The following PKHD1L1 variants were observed in gnomAD, a reference collection of about 807,000 sequenced individuals.
PKHD1L1 encodes fibrocystin-L.
Under a neutral mutation model 462.9 loss-of-function variants are expected in PKHD1L1, and 434 were observed. The ratio of observed to expected loss-of-function variants is 0.94; its 90% confidence interval spans 0.87 to 1.02. The LOEUF (loss-of-function observed/expected upper bound fraction) is 1.02, where lower values mean the gene tolerates loss of function less well. Ranked by LOEUF, PKHD1L1 falls within the 50% of genes least tolerant of loss-of-function variation. PKHD1L1 has a pLI of 0.00. For synonymous variants in PKHD1L1, 1,781 were observed against 1,750.0 expected, an observed-to-expected ratio of 1.02 and a Z score of -0.44; for missense variants, 5,202 against 5,096.1, an observed-to-expected ratio of 1.02 and a Z score of -0.63.
Position 109,523,360 on chromosome 8 carries a change from A to C in PKHD1L1, c.12458A>C (p.Tyr4153Ser). 1 of 1,613,338 alleles carries C rather than the reference A, an allele frequency of 6.2e-7. No homozygotes were observed. The highest frequency in any genetic ancestry group is 2.2e-5 in the East Asian group (1 of 44,860). Reference protein sequence around the residue: ...TIPFSSCWANYTDLTPLRTGK... With the variant: ...TIPFSSCWANSTDLTPLRTGK... ...CCGTTTAGCAGCTGTTGGGCCAACT[A>C]CACAGACCTTACTCCCCTTAGAACA... The change falls in exon 76 of 78, where the codon TAC becomes TCC. Residue 4153 changes from tyrosine to serine, a missense_variant. Physicochemically the swap from Tyr to Ser is moderately radical, Grantham distance 144 (BLOSUM62 -2). Coordinates refer to ENST00000378402, the MANE Select transcript of PKHD1L1 (RefSeq NM_177531.6).
chr8:109,408,180 C>T lies in PKHD1L1; in HGVS notation c.1945C>T (p.Leu649Phe). Reference sequence around the variant, plus strand: ...TTGGGATGGGATCGCTTCTAAGCCACTCACTCTATGGTCATCAGAAGCTGA... The same window carrying T: ...TTGGGATGGGATCGCTTCTAAGCCATTCACTCTATGGTCATCAGAAGCTGA... ...LNWDGIASKP[L>F]TLWSSEAEFQ... The change falls in exon 18 of 78, where the codon CTC becomes TTC. Residue 649 changes from leucine to phenylalanine, a missense_variant. Physicochemically the swap from Leu to Phe is conservative, Grantham distance 22. Coordinates refer to ENST00000378402, the MANE Select transcript of PKHD1L1 (RefSeq NM_177531.6). The T allele has an allele frequency of 1.2e-6, 2 of 1,612,682 alleles. No homozygotes were observed. Among genetic ancestry groups the T allele is most frequent in the Non-Finnish European group, 1.7e-6 (2 of 1,179,110 alleles).
intron 58 of PKHD1L1, 142 bp from the exon 59 acceptor site, chr8:109,486,506 A>T: frequency 1.7e-6 from 1 of 604,684 alleles, no homozygotes; most frequent in Non-Finnish European, 2.8e-6. Flanking sequence ...CCATCTATAT[A>T]TGTTTAACAT....
chr8:109,482,837 A>T, intron 56 of PKHD1L1, 150 bp from the exon 57 acceptor site: 1 of 482,548 alleles, frequency 2.1e-6, no homozygotes, highest in Non-Finnish European at 3.5e-6. Flanking sequence ...GTCTTCTTAC[A>T]TGGTTCCAAG....
In PKHD1L1 at chr8:109,480,135, T is replaced by C; in HGVS notation, c.9323T>C (p.Leu3108Pro). ...EVVLNATYIS[L>P]QGGRLIGGWE... Reference sequence around the variant, plus strand: ...GTTTTGAATGCTACCTACATATCACTGCAGGTAAGAGTGAGGGCCTTGTAG... The same window carrying C: ...GTTTTGAATGCTACCTACATATCACCGCAGGTAAGAGTGAGGGCCTTGTAG... Residue 3108 changes from leucine to proline, a missense_variant, in exon 55 of 78, where the codon CTG becomes CCG. Around this residue, in one of 3 missense-constraint regions of PKHD1L1, gnomAD observed 4,497 missense variants for 4,336.8 expected, o/e 1.04. Transcript: ENST00000378402. The C allele has an allele frequency of 6.4e-7, 1 of 1,562,172 alleles. No homozygotes were observed. Among genetic ancestry groups the C allele is most frequent in the Non-Finnish European group, 8.7e-7 (1 of 1,154,986 alleles).
In PKHD1L1 at chr8:109,382,457, T is replaced by A. The variant is rs766972174; in HGVS notation, c.309-6T>A. The A allele has an allele frequency of 6.2e-7, 1 of 1,600,066 alleles. No homozygotes were observed. The highest frequency in any genetic ancestry group is 8.5e-7 in the Non-Finnish European group (1 of 1,173,756). ...ATGTCTCATATATTCTTCATTTTCT[T>A]TATAGAGCAATGCCGGAAGATTCCT... On this transcript the variant is annotated splice_polypyrimidine_tract_variant and splice_region_variant and intron_variant, in intron 3 of 77. Transcript: ENST00000378402.
rs972806893 is a variant in PKHD1L1, at chr8:109,490,999, C to T, written c.10012C>T (p.Arg3338Ter). Residue 3338 changes from arginine to a stop codon, truncating the protein, a stop_gained, in exon 61 of 78, where the codon CGA (arginine) becomes TGA (stop). Coordinates refer to ENST00000378402, the MANE Select transcript of PKHD1L1 (RefSeq NM_177531.6). LOFTEE classifies it high-confidence loss of function. ...TCAAGAACATGGCTCATCTTATATT[C>T]GAGGCTGTGCTTTTCACCATGGCTT... The part of the protein sequence containing the change: ...QIQEHGSSYI[R>*]GCAFHHGFSP... The T allele has an allele frequency of 5.0e-6, 8 of 1,607,992 alleles. No homozygotes were observed. The East Asian group carries it at 1.1e-4, about 22-fold the overall frequency.
At chr8:109,427,378 C>T (rs1277897747) in intron 25 of PKHD1L1, among the ~76,000 whole-genome samples, 1 of 152,072 alleles carries the variant, frequency 6.6e-6, no homozygotes, top group East Asian at 1.9e-4. Context: ...ACTCCATATC[C>T]CACTTAGAAA....
chr8:109,511,104 A>G (rs570766001), intron 71 of PKHD1L1, among the ~76,000 whole-genome samples, 170 bp downstream of exon 71: 19 of 152,194 alleles, frequency 1.2e-4, no homozygotes, highest in African/African-American at 4.6e-4. Context: ...GTTTTCATCA[A>G]CCTGAAGGTA....
intron 61 of PKHD1L1, 128 bp downstream of exon 61, chr8:109,491,229 A>G (rs954621931): frequency 2.1e-6 from 2 of 969,536 alleles, no homozygotes; most frequent in African/African-American, 3.3e-5. Context: ...CTGCTGTCTA[A>G]TATAGTAATT....
Position 109,443,003 on chromosome 8 carries a change from T to C in PKHD1L1, c.4451T>C (p.Val1484Ala). 6.2e-7 allele frequency: 1 copy of C among 1,613,706 alleles called. No homozygotes were observed. The highest frequency in any genetic ancestry group is 8.5e-7 in the Non-Finnish European group (1 of 1,179,632). Residue 1484 changes from valine (V) to alanine (A), a missense_variant, in exon 36 of 78, where the codon GTT (valine) becomes GCT (alanine). Physicochemically the swap from Val to Ala is moderately conservative, Grantham distance 64. Transcript: ENST00000378402. ...PGIHYYSSGY[V>A]DEAHSIFLQG... is the part of the protein sequence containing the mutation. The stretch of plus-strand genomic sequence containing the variant: ...ATCCATTATTATAGCAGCGGGTATG[T>C]TGATGAGGCTCACTCCATTTTTCTC...
chr8:109,459,814 A>T lies in PKHD1L1; in HGVS notation c.7224A>T (p.Ala2408=), dbSNP rs370098479. The change falls in exon 47 of 78, where the codon GCA becomes GCT. Residue 2408 remains alanine, a synonymous_variant. Transcript: ENST00000378402. ...DNVEWNNKIP[A]CPDGFDTGEF... Reference sequence around the variant, plus strand: ...TTGAGTGGAATAACAAAATTCCTGCATGTCCTGATGGATTTGACACAGGTA... The same window carrying T: ...TTGAGTGGAATAACAAAATTCCTGCTTGTCCTGATGGATTTGACACAGGTA... 1 of 1,610,930 alleles carries T rather than the reference A, an allele frequency of 6.2e-7. No homozygotes were observed. The highest frequency in any genetic ancestry group is 1.7e-5 in the Admixed American group (1 of 59,694).
chr8:109,470,247 T>C (rs1245187605), intron 50 of PKHD1L1: 20 of 1,363,620 alleles, frequency 1.5e-5, no homozygotes, highest in Non-Finnish European at 2.0e-5. Context: ...ACTCAGATCA[T>C]CATGAAAACA....
chr8:109,388,006 A>G (rs921402198), intron 6 of PKHD1L1, among the ~76,000 whole-genome samples: 2 of 152,020 alleles, frequency 1.3e-5, no homozygotes, highest in East Asian at 3.9e-4. Flanking sequence ...TCAGCTTCTT[A>G]TTTTCATTTA....
At chr8:109,481,667 A>AT in intron 56 of PKHD1L1, 105 bp downstream of exon 56, 2 of 1,074,958 alleles carry the variant, frequency 1.9e-6, no homozygotes, top group Non-Finnish European at 2.4e-6. Flanking sequence ...ATACTTTATC[A>AT]TAAAAAGTAC....
rs1274166766 is a variant in PKHD1L1, at chr8:109,398,557, C to T, written c.1012+9C>T. 6.9e-7 allele frequency: 1 copy of T among 1,440,796 alleles called. No homozygotes were observed. Among genetic ancestry groups the T allele is most frequent in the African/African-American group, 1.4e-5 (1 of 70,514 alleles). The allele number at this position is 1,440,796 out of a possible 1,614,324, so 89.3% of individuals were successfully genotyped here. A position where few individuals can be genotyped will look rare whatever the true frequency, so the allele number is the denominator to read the frequency against. On this transcript the variant is annotated intron_variant, in intron 12 of 77. Coordinates refer to ENST00000378402, the MANE Select transcript of PKHD1L1 (RefSeq NM_177531.6). ...CAAAACTGTATATCCAGGTAAGTTA[C>T]CATAAGGGACAATGGCCATTTCTAT... is the stretch of plus-strand genomic sequence containing the variant.
At chr8:109,523,084 A>G (rs529197117) in intron 75 of PKHD1L1, 149 bp from the exon 76 acceptor site, 1 of 980,278 alleles carries the variant, frequency 1.0e-6, no homozygotes, top group Non-Finnish European at 1.5e-6. Flanking sequence ...TCTGCTGCTC[A>G]GGTTTATGAA....
chr8:109,393,260 A>T (rs1227644357), intron 9 of PKHD1L1, among the ~76,000 whole-genome samples: 1 of 151,936 alleles, frequency 6.6e-6, no homozygotes, highest in Non-Finnish European at 1.5e-5. Context: ...GATTTACAGG[A>T]GCATTAATTG....
At chr8:109,439,564 G>C (rs1470888726) in intron 32 of PKHD1L1, among the ~76,000 whole-genome samples, 3 of 152,124 alleles carry the variant, frequency 2.0e-5, no homozygotes, top group Admixed American at 2.0e-4. Context: ...ATAATAGAGA[G>C]AGCTAACTTA....
rs1276491130 is a variant in PKHD1L1 at position 109,480,440 on chromosome 8, CAA to C, written c.9327+303_9327+304del. 11 of 411,850 alleles carry C rather than the reference CAA, an allele frequency of 2.7e-5. No individual in the cohort carries two copies. The Admixed American group carries it at 3.3e-4, about 12-fold the overall frequency. 25.5% of individuals were successfully genotyped at this position (411,850 alleles called of 1,614,324 possible). On this transcript the variant is annotated intron_variant, in intron 55 of 77. Transcript: ENST00000378402. ...AGGCTAAACCAACAGCTTGTTCCAA[CAA>C]AGAGTCCTAGGAGTTCTGAAACAAG...
Sources: gnomAD v4.1 joint callset for allele counts (sites outside exome capture counted in the v4.1 genomes callset) on GRCh38, gnomAD v4.1.1 for gene constraint, gnomAD v4.1.1 regional missense constraint, MANE v1.5 for transcripts, NCBI Gene and HGNC (gene_info 2026-07-23, HGNC 2026-07-21) for gene names.